RBBP6: variants seen among roughly 807,000 people sequenced by gnomAD.
The protein encoded by RBBP6 is RB binding protein 6, ubiquitin ligase.
A neutral mutation model predicts 167.7 loss-of-function variants in RBBP6; 25 were observed. The ratio of observed to expected loss-of-function variants is 0.15; its 90% CI spans 0.11 to 0.21. The LOEUF (loss-of-function observed/expected upper bound fraction) is 0.21, where lower values mean the gene tolerates loss of function less well. Ranked by LOEUF, RBBP6 falls within the 10% of genes least tolerant of loss-of-function variation. The pLI, the probability that RBBP6 is intolerant of heterozygous loss-of-function variation, is 1.00. For missense variants in RBBP6, 1,868 were observed against 2,134.2 expected, an observed-to-expected ratio of 0.88 and a Z score of 2.46; for synonymous variants, 789 against 735.8, an observed-to-expected ratio of 1.07 and a Z score of -1.17.
intron 4 of RBBP6, 188 bp from the exon 5 acceptor site, chr16:24,555,427 A>G: frequency 1.9e-6 from 1 of 516,652 alleles, no homozygotes; most frequent in Non-Finnish European, 3.4e-6. Flanking sequence ...TCAGCCTTGC[A>G]GACACCTAAA....
intron 3 of RBBP6, among the ~76,000 whole-genome samples, chr16:24,551,181 A>G (rs866230987): frequency 3.3e-5 from 5 of 151,898 alleles, no homozygotes; most frequent in Non-Finnish European, 5.9e-5. Flanking sequence ...TATAATTGGC[A>G]TAAAAGATTT....
rs555354602 is a variant in RBBP6, at chr16:24,571,525, C to G, written c.4459C>G (p.Arg1487Gly). 6.2e-7 allele frequency: 1 copy of G among 1,613,402 alleles called. No individual in the cohort carries two copies. Among genetic ancestry groups the G allele is most frequent in the Non-Finnish European group, 8.5e-7 (1 of 1,179,798 alleles). The change falls in exon 18 of 18, where the codon CGT becomes GGT. Residue 1487 changes from arginine to glycine, a missense_variant. This residue lies in a region of RBBP6 where 591 missense variants were observed against 540.5 expected (regional missense o/e 1.09). Coordinates refer to ENST00000319715, the MANE Select transcript of RBBP6 (RefSeq NM_006910.5). ...YDTREYSSSK[R>G]RDEKNELTRR... ...CACCAGAGAGTATTCAAGTTCCAAACGTAGAGATGAAAAGAATGAATTAAC... is the reference window on the plus strand; with the variant it reads ...CACCAGAGAGTATTCAAGTTCCAAAGGTAGAGATGAAAAGAATGAATTAAC...
Position 24,567,215 on chromosome 16 carries a change from A to G in RBBP6, c.1662A>G (p.Pro554=), listed in dbSNP as rs1899216301. The part of the protein sequence containing the change: ...RTQGPSLPAT[P]VFVPVPPPPL... The stretch of plus-strand genomic sequence containing the variant: ...AAGGCCCGTCACTACCAGCAACTCC[A>G]GTCTTTGTACCTGTTCCACCACCTC... The change falls in exon 15 of 18, where the codon CCA becomes CCG. Residue 554 remains proline (P), a synonymous_variant. Coordinates refer to ENST00000319715, the MANE Select transcript of RBBP6 (RefSeq NM_006910.5). 16 of 1,614,036 alleles carry G rather than the reference A, an allele frequency of 9.9e-6. No homozygotes were observed. The highest frequency in any genetic ancestry group is 1.4e-5 in the Non-Finnish European group (16 of 1,179,898).
At chr16:24,541,780 A>C (rs1352098503) in intron 1 of RBBP6, among the ~76,000 whole-genome samples, 1 of 152,194 alleles carries the variant, frequency 6.6e-6, no homozygotes, top group Non-Finnish European at 1.5e-5. Flanking sequence ...GGTGTTCTAA[A>C]AGTTACTGAT....
At chr16:24,553,691 G>T (rs1283700843) in intron 4 of RBBP6, 134 bp downstream of exon 4, 1 of 506,180 alleles carries the variant, frequency 2.0e-6, no homozygotes, top group Non-Finnish European at 3.4e-6. Flanking sequence ...TTACTATCCT[G>T]TAAAGAGTAG....
intron 1 of RBBP6, among the ~76,000 whole-genome samples, chr16:24,541,197 A>C (rs1898482469): frequency 7.5e-6 from 1 of 133,412 alleles, no homozygotes; most frequent in Non-Finnish European, 1.6e-5. Flanking sequence ...AAAAAACAAA[A>C]AAAAAACCAA....
intron 4 of RBBP6, chr16:24,555,017 C>G (rs1299494424): frequency 1.3e-5 from 2 of 152,090 alleles, no homozygotes; most frequent in Non-Finnish European, 2.9e-5. Context: ...GAAGATTCAA[C>G]TTAACTAGAA....
intron 14 of RBBP6, among the ~76,000 whole-genome samples, chr16:24,565,518 T>A (rs1899173348): frequency 6.6e-6 from 1 of 152,192 alleles, no homozygotes; most frequent in African/African-American, 2.4e-5. Flanking sequence ...CCACCTCTTG[T>A]CAGATCAGCA....
chr16:24,541,828 A>T (rs983160757), intron 1 of RBBP6, among the ~76,000 whole-genome samples: 1 of 152,148 alleles, frequency 6.6e-6, no homozygotes, highest in Non-Finnish European at 1.5e-5. Context: ...AGGTTAGGGT[A>T]TTTTTTTAGT....
chr16:24,548,139 G>A (rs1898705671), intron 2 of RBBP6, among the ~76,000 whole-genome samples: 1 of 151,912 alleles, frequency 6.6e-6, no homozygotes, highest in South Asian at 2.1e-4. Context: ...GCATTAAAAG[G>A]CTATAATCTA....
In RBBP6 at chr16:24,570,924, A is replaced by G; in HGVS notation, c.3858A>G (p.Thr1286=). 2 of 1,588,926 alleles carry G rather than the reference A, an allele frequency of 1.3e-6. No individual in the cohort carries two copies. The highest frequency in any genetic ancestry group is 8.6e-7 in the Non-Finnish European group (1 of 1,162,198). ...GSPVRKSEEK[T]DTKRTVIKTM... ...CTGTGCGGAAATCTGAAGAAAAAAC[A>G]GATACAAAGCGAACTGTGATTAAAA... The change falls in exon 18 of 18, where the codon ACA becomes ACG. Residue 1286 remains threonine, a synonymous_variant. Coordinates refer to ENST00000319715, the MANE Select transcript of RBBP6 (RefSeq NM_006910.5).
chr16:24,569,512 A>G lies in RBBP6; in HGVS notation c.2822A>G (p.Lys941Arg), dbSNP rs780235092. 2 of 1,609,760 alleles carry G rather than the reference A, an allele frequency of 1.2e-6. No homozygotes were observed. The highest frequency in any genetic ancestry group is 1.3e-5 in the African/African-American group (1 of 74,482). The change falls in exon 17 of 18, where the codon AAA becomes AGA. Residue 941 changes from lysine to arginine, a missense_variant. Coordinates refer to ENST00000319715, the MANE Select transcript of RBBP6 (RefSeq NM_006910.5). Reference protein sequence around the residue: ...NKHKKHRKRRKGEESEGFLNP... With the variant: ...NKHKKHRKRRRGEESEGFLNP... ...CATAAGAAACACAGAAAAAGAAGAA[A>G]AGGGGAGGAAAGTGAGGGTTTTCTG...
chr16:24,569,623 C>G lies in RBBP6; in HGVS notation c.2933C>G (p.Pro978Arg), dbSNP rs1230463787. Reference protein sequence around the residue: ...ENKTDSLFVLPSRDDATPVRD... With the variant: ...ENKTDSLFVLRSRDDATPVRD... ...AAAACAGACTCATTGTTTGTTCTCC[C>G]AAGTAGAGATGATGCCACACCTGTT... Residue 978 changes from proline (P) to arginine (R), a missense_variant, in exon 17 of 18, where the codon CCA (proline) becomes CGA (arginine). Pro to Arg is a moderately radical substitution (Grantham distance 103). Around this residue, in one of 7 missense-constraint regions of RBBP6, gnomAD observed 673 missense variants for 691.5 expected, o/e 0.97. Coordinates refer to ENST00000319715, the MANE Select transcript of RBBP6 (RefSeq NM_006910.5). 6.2e-7 allele frequency: 1 copy of G among 1,612,172 alleles called. No individual in the cohort carries two copies. The highest frequency in any genetic ancestry group is 2.2e-5 in the East Asian group (1 of 44,864).
At position 24,539,581 on chromosome 16, in the gene RBBP6, T is replaced by C. The variant is rs1473440900; in HGVS notation, c.-1046T>C. On this transcript the variant is annotated 5_prime_UTR_variant, in exon 1 of 18. Coordinates refer to ENST00000319715, the MANE Select transcript of RBBP6 (RefSeq NM_006910.5). ...AAGAGACCCCGCAGTGGGGCGCTCG[T>C]CCGAAGCCAGGCCGCGTCCGCCATA... 6.6e-6 allele frequency: 1 copy of C among 151,952 alleles called. No individual in the cohort carries two copies. The highest frequency in any genetic ancestry group is 1.5e-5 in the Non-Finnish European group (1 of 67,992). The allele number at this position is 151,952 out of a possible 1,614,324, so 9.4% of individuals were successfully genotyped here. A position where few individuals can be genotyped will look rare whatever the true frequency, so the allele number is the denominator to read the frequency against.
At chr16:24,553,454 A>T (rs1898844535) in intron 3 of RBBP6, 59 bp from the exon 4 acceptor site, 10 of 1,431,696 alleles carry the variant, frequency 7.0e-6, no homozygotes, top group Non-Finnish European at 9.8e-6. Flanking sequence ...GGGCTAAATG[A>T]TCACTTTAAG....
Position 24,571,832 on chromosome 16 carries a change from A to G in RBBP6, c.4766A>G (p.Tyr1589Cys), listed in dbSNP as rs778069745. The G allele has an allele frequency of 1.2e-6, 2 of 1,614,190 alleles. No individual in the cohort carries two copies. Among genetic ancestry groups the G allele is most frequent in the South Asian group, 2.2e-5 (2 of 91,084 alleles). The change falls in exon 18 of 18, where the codon TAT (tyrosine) becomes TGT (cysteine). Residue 1589 changes from tyrosine to cysteine, a missense_variant. This residue lies in a region of RBBP6 where 591 missense variants were observed against 540.5 expected (regional missense o/e 1.09). Coordinates refer to ENST00000319715, the MANE Select transcript of RBBP6 (RefSeq NM_006910.5). The stretch of plus-strand genomic sequence containing the variant: ...GAGTCAAGTGGCAATAAACTACTTT[A>G]TATACTTAACCCACCAGAGACACAG... ...NKESSGNKLL[Y>C]ILNPPETQVE...
At chr16:24,549,313 C>G (rs1898741247) in intron 3 of RBBP6, 1 of 1,140,062 alleles carries the variant, frequency 8.8e-7, no homozygotes, top group African/African-American at 1.6e-5. Flanking sequence ...ACATGTTCTA[C>G]ATTTGTCTGT....
At chr16:24,563,348 T>A (rs917950327) in intron 11 of RBBP6, 53 bp downstream of exon 11, 5 of 1,573,956 alleles carry the variant, frequency 3.2e-6, no homozygotes, top group Non-Finnish European at 4.3e-6. Context: ...AGGGTTTTGT[T>A]TTTCTGGCTT....
chr16:24,555,608 T>TA lies in RBBP6; in HGVS notation c.349-4dup. The TA allele has an allele frequency of 6.2e-7, 1 of 1,603,492 alleles. No homozygotes were observed. The highest frequency in any genetic ancestry group is 8.5e-7 in the Non-Finnish European group (1 of 1,176,368). On this transcript the variant is annotated splice_region_variant and splice_polypyrimidine_tract_variant and intron_variant, in intron 4 of 17. Coordinates refer to ENST00000319715, the MANE Select transcript of RBBP6 (RefSeq NM_006910.5). ...ATGTGTGTGTCAAATAATTACCTGT[T>TA]AAACAGACTGCCAATCTGGCTGAAG...
Sources: allele counts gnomAD v4.1 joint callset (sites outside exome capture counted in the v4.1 genomes callset), GRCh38; gene constraint gnomAD v4.1.1; regional missense constraint gnomAD v4.1.1; transcripts MANE v1.5; gene names NCBI Gene and HGNC (gene_info 2026-07-23, HGNC 2026-07-21).